Variants in SEPTIN6 observed in about 807,000 individuals in gnomAD.
SEPTIN6 encodes septin 6.
In SEPTIN6, 8 loss-of-function variants were observed where a neutral mutation model predicts 33.6. That is an observed-to-expected ratio of 0.24 (90% confidence interval 0.14 to 0.43). The LOEUF (loss-of-function observed/expected upper bound fraction) is 0.43. Among genes scored for constraint, SEPTIN6 ranks in the 20% least tolerant of loss-of-function variants. SEPTIN6 has a pLI of 1.00. For missense variants in SEPTIN6, 250 were observed against 340.8 expected, an observed-to-expected ratio of 0.73 and a Z score of 2.10; for synonymous variants, 131 against 140.0, an observed-to-expected ratio of 0.94 and a Z score of 0.45.
At chrX:119,625,452 C>A in intron 9 of SEPTIN6, 73 bp from the exon 10 acceptor site, 2 of 994,518 alleles carry the variant, frequency 2.0e-6, no homozygotes, top group Non-Finnish European at 2.9e-6. Flanking sequence ...TTGACACAAA[C>A]AATGAAGGGT....
intron 3 of SEPTIN6, 36 bp from the exon 4 acceptor site, chrX:119,653,076 C>T: frequency 8.8e-7 from 1 of 1,131,216 alleles, no homozygotes; most frequent in Non-Finnish European, 1.2e-6. Context: ...CGGATCCCGT[C>T]AAAAACTTGG....
chrX:119,620,342 A>G (rs1369246256), intron 10 of SEPTIN6, among the ~76,000 whole-genome samples: 3 of 101,934 alleles, frequency 2.9e-5, no homozygotes, highest in Non-Finnish European at 4.0e-5. Flanking sequence ...TTTTTGAGAC[A>G]GAGTCTTGCT....
At chrX:119,633,554 C>A (rs2054004080) in intron 7 of SEPTIN6, 62 bp from the exon 8 acceptor site, 1 of 1,125,786 alleles carries the variant, frequency 8.9e-7, no homozygotes. Context: ...ATAAAACTGG[C>A]CCCAAAGATC....
intron 1 of SEPTIN6, among the ~76,000 whole-genome samples, chrX:119,692,124 G>C (rs1185418917): frequency 2.7e-5 from 3 of 109,702 alleles, no homozygotes; most frequent in Non-Finnish European, 5.7e-5. Context: ...TTTTCCCAGA[G>C]TCGGTCGCCA....
In SEPTIN6 at chrX:119,618,610, G is replaced by A. The variant is rs752962263; in HGVS notation, c.*1483C>T. 105 of 1,042,954 alleles carry A rather than the reference G, an allele frequency of 1.0e-4. No individual in the cohort carries two copies. The highest frequency in any genetic ancestry group is 7.7e-4 in the South Asian group (23 of 29,989). The allele number at this position is 1,042,954 out of a possible 1,213,427, so 86.0% of individuals were successfully genotyped here. ...GGGCTGGGAGGCAGGAGCAAGTTGCGGAACTCAAAAAGAAGAAGTGAGCTT... is the reference window on the plus strand; with the variant it reads ...GGGCTGGGAGGCAGGAGCAAGTTGCAGAACTCAAAAAGAAGAAGTGAGCTT... On this transcript the variant is annotated 3_prime_UTR_variant, in exon 11 of 11. Transcript: ENST00000394610.
chrX:119,670,932 C>T (rs1163877144), intron 2 of SEPTIN6, among the ~76,000 whole-genome samples: 1 of 94,574 alleles, frequency 1.1e-5, no homozygotes, highest in Admixed American at 1.3e-4. Context: ...GAGCGAAACT[C>T]CATCTCAAAA....
intron 9 of SEPTIN6, among the ~76,000 whole-genome samples, chrX:119,627,794 T>C (rs1457293488): frequency 2.3e-5 from 2 of 85,144 alleles, no homozygotes; most frequent in African/African-American, 8.9e-5. Context: ...TGCACTTCTT[T>C]TTTTTTTTTT....
chrX:119,649,345 C>T (rs1225866236), intron 5 of SEPTIN6, among the ~76,000 whole-genome samples: 3 of 106,751 alleles, frequency 2.8e-5, no homozygotes, highest in Non-Finnish European at 5.8e-5. Context: ...CTACCCGCCT[C>T]GGCCTCCAAA....
At chrX:119,686,968 T>C (rs1262687641) in intron 1 of SEPTIN6, among the ~76,000 whole-genome samples, 1 of 111,044 alleles carries the variant, frequency 9.0e-6, no homozygotes, top group Non-Finnish European at 1.9e-5. Context: ...AGAAACATCA[T>C]GAAAAGACAA....
intron 2 of SEPTIN6, 63 bp downstream of exon 2, chrX:119,675,491 G>A: frequency 3.1e-6 from 2 of 646,136 alleles, no homozygotes; most frequent in Non-Finnish European, 4.5e-6. Flanking sequence ...TACCTGCAAA[G>A]CCGTATCCAG....
intron 4 of SEPTIN6, among the ~76,000 whole-genome samples, chrX:119,651,691 A>T (rs753076628): frequency 2.2e-4 from 25 of 111,507 alleles, no homozygotes; most frequent in African/African-American, 6.5e-4. Flanking sequence ...TAAATAAATA[A>T]ATATATATGT....
rs1363696329 is a variant in SEPTIN6, at chrX:119,658,401, A to G, written c.341+5081T>C. Among the ~76,000 whole-genome samples, 9 of 111,869 alleles carry G rather than the reference A, an allele frequency of 8.0e-5. No homozygotes were observed. The Admixed American group carries it at 8.6e-4, about 11-fold the overall frequency. ...CTATTAAACTGCCAAACACAATTCC[A>G]TGGTATGGTAATTCCACAGTTTATT... On this transcript the variant is annotated intron_variant, in intron 3 of 10. Coordinates refer to ENST00000394610, the MANE Select transcript of SEPTIN6 (RefSeq NM_145799.4).
At chrX:119,680,957 G>T (rs1216126571) in intron 1 of SEPTIN6, among the ~76,000 whole-genome samples, 1 of 101,983 alleles carries the variant, frequency 9.8e-6, no homozygotes, top group Non-Finnish European at 2.0e-5. Flanking sequence ...CTCCAGGCTG[G>T]GCGACAGAGT....
intron 5 of SEPTIN6, among the ~76,000 whole-genome samples, chrX:119,642,692 C>T (rs1332247761): frequency 2.7e-5 from 3 of 111,594 alleles, no homozygotes; most frequent in African/African-American, 6.5e-5. Flanking sequence ...ATCTCACAGT[C>T]AATTCTTTTC....
chrX:119,676,558 C>A (rs2054845387), intron 1 of SEPTIN6, among the ~76,000 whole-genome samples: 1 of 111,358 alleles, frequency 9.0e-6, no homozygotes, highest in African/African-American at 3.3e-5. Flanking sequence ...TCACTTGAGG[C>A]CAAGAGTTTG....
chrX:119,685,568 G>A (rs765267155), intron 1 of SEPTIN6, among the ~76,000 whole-genome samples: 8 of 112,071 alleles, frequency 7.1e-5, no homozygotes, highest in African/African-American at 1.9e-4. Context: ...CTCACAGAGA[G>A]GAAGTGACTT....
chrX:119,690,721 C>A (rs2055156801), intron 1 of SEPTIN6, among the ~76,000 whole-genome samples: 3 of 67,755 alleles, frequency 4.4e-5, no homozygotes, highest in East Asian at 5.3e-4. Flanking sequence ...AAGACTCCGT[C>A]TCAAAAAAAA....
At chrX:119,630,679 G>A (rs2053941941) in intron 8 of SEPTIN6, among the ~76,000 whole-genome samples, 1 of 111,624 alleles carries the variant, frequency 9.0e-6, no homozygotes, top group Admixed American at 9.6e-5. Context: ...GGTGGCATAA[G>A]GTCAGGAGTT....
At chrX:119,631,693 C>T (rs2053964874) in intron 8 of SEPTIN6, among the ~76,000 whole-genome samples, 1 of 110,482 alleles carries the variant, frequency 9.1e-6, no homozygotes, top group South Asian at 3.8e-4. Context: ...AGCATTCCTC[C>T]TACCTCAGCC....
Sources: gnomAD v4.1 joint callset for allele counts (sites outside exome capture counted in the v4.1 genomes callset) on GRCh38, gnomAD v4.1.1 for gene constraint, MANE v1.5 for transcripts, NCBI Gene and HGNC (gene_info 2026-07-23, HGNC 2026-07-21) for gene names.